The following EXT2 variants were observed in gnomAD, a reference collection of about 807,000 sequenced individuals.
EXT2 encodes the protein exostosin glycosyltransferase 2.
A neutral mutation model predicts 81.6 loss-of-function variants in EXT2; 53 were observed. The observed-to-expected ratio is 0.65, with a 90% confidence interval of 0.52 to 0.82. EXT2 has a LOEUF of 0.82. EXT2 is among the 40% of genes least tolerant of loss of function. The pLI is 0.00. For synonymous variants in EXT2, 320 were observed against 340.0 expected (o/e 0.94, Z 0.65); for missense variants, 774 against 910.2 (o/e 0.85, Z 1.93).
intron 2 of EXT2, 95 bp downstream of exon 2, chr11:44,108,343 G>C: frequency 2.2e-6 from 3 of 1,381,972 alleles, no homozygotes; most frequent in Non-Finnish European, 3.0e-6. Flanking sequence ...TTCTGCTCTT[G>C]AGTTGGTTTC....
chr11:44,119,141 T>TTC (rs1954270743), intron 4 of EXT2, among the ~76,000 whole-genome samples: 1 of 39,126 alleles, frequency 2.6e-5, no homozygotes, highest in African/African-American at 8.3e-5. Context: ...TATATATATA[T>TTC]ATATATATAT....
chr11:44,177,543 A>G (rs894071873), intron 8 of EXT2, among the ~76,000 whole-genome samples: 1 of 152,222 alleles, frequency 6.6e-6, no homozygotes, highest in Non-Finnish European at 1.5e-5. Context: ...TCAAACAGTG[A>G]ATTCATGTGT....
chr11:44,156,669 A>G lies in EXT2; in HGVS notation c.1174-14942A>G, dbSNP rs552390830. 7.9e-5 allele frequency among the ~76,000 whole-genome samples: 12 copies of G among 152,330 alleles called. No individual in the cohort carries two copies. The South Asian group carries it at 2.5e-3, about 32-fold the overall frequency. On this transcript the variant is annotated intron_variant, in intron 7 of 13. Transcript: ENST00000533608. ...AAGCTTCCTCAAAAGAGCTAATTTG[A>G]ATTCTCTGTCTGAAAGGTCACATGT...
chr11:44,245,801 A>C lies in EXT2; in HGVS notation c.*1514A>C, dbSNP rs571932578. Among the ~76,000 whole-genome samples the C allele has an allele frequency of 6.6e-6, 1 of 152,230 alleles. No individual in the cohort carries two copies. Among genetic ancestry groups the C allele is most frequent in the Non-Finnish European group, 1.5e-5 (1 of 68,034 alleles). Reference sequence around the variant, plus strand: ...AGTAGCAAAGTTGGAAGTGGAAATCATAAGAGTTTTGTCTTCTTTCATTTG... The same window carrying C: ...AGTAGCAAAGTTGGAAGTGGAAATCCTAAGAGTTTTGTCTTCTTTCATTTG... On this transcript the variant is annotated 3_prime_UTR_variant, in exon 14 of 14. Coordinates refer to ENST00000533608, the MANE Select transcript of EXT2 (RefSeq NM_207122.2).
intron 13 of EXT2, among the ~76,000 whole-genome samples, chr11:44,237,670 A>G (rs1042741859): frequency 6.6e-6 from 1 of 152,124 alleles, no homozygotes; most frequent in Non-Finnish European, 1.5e-5. Flanking sequence ...GAAAGGAAGT[A>G]TAGGAAGAAA....
chr11:44,198,881 T>A (rs1308734170), intron 9 of EXT2, among the ~76,000 whole-genome samples: 1 of 152,194 alleles, frequency 6.6e-6, no homozygotes, highest in Non-Finnish European at 1.5e-5. Flanking sequence ...ACCTTGAAAA[T>A]TGCCAGTAGT....
chr11:44,126,507 A>G lies in EXT2; in HGVS notation c.940-309A>G, dbSNP rs927283834. ...AGTACACTAGGGCCTAAAGAGACCC[A>G]TTTGCAGGAAGTCACGTTGTTAGCT... is the stretch of plus-strand genomic sequence containing the variant. On this transcript the variant is annotated intron_variant, in intron 5 of 13. Transcript: ENST00000533608. Among the ~76,000 whole-genome samples, 6 of 152,328 alleles carry G rather than the reference A, an allele frequency of 3.9e-5. No individual in the cohort carries two copies. The East Asian group carries it at 5.8e-4, about 15-fold the overall frequency.
At chr11:44,145,998 A>G (rs1565211389) in intron 7 of EXT2, among the ~76,000 whole-genome samples, 2 of 152,238 alleles carry the variant, frequency 1.3e-5, no homozygotes, top group African/African-American at 2.4e-5. Flanking sequence ...GGCTTAAACA[A>G]CAGAAATCTA....
rs752380148 is a variant in EXT2 at position 44,124,885 on chromosome 11, G to A, written c.840G>A (p.Val280=). Residue 280 remains valine, a synonymous_variant, in exon 5 of 14, where the codon GTG becomes GTA. Coordinates refer to ENST00000533608, the MANE Select transcript of EXT2 (RefSeq NM_207122.2). ...EALQVKHGES[V]LVLDKCTNLS... ...TCCAGGTCAAACATGGAGAGTCAGTGTTAGTACTCGATAAATGCACCAACC... is the reference window on the plus strand; with the variant it reads ...TCCAGGTCAAACATGGAGAGTCAGTATTAGTACTCGATAAATGCACCAACC... 6.2e-7 allele frequency: 1 copy of A among 1,614,118 alleles called. No individual in the cohort carries two copies. The highest frequency in any genetic ancestry group is 8.5e-7 in the Non-Finnish European group (1 of 1,180,018).
chr11:44,228,323 A>C (rs1955860533), intron 10 of EXT2, among the ~76,000 whole-genome samples: 1 of 152,184 alleles, frequency 6.6e-6, no homozygotes. Flanking sequence ...ACAATATATA[A>C]AGGCATTTGG....
In EXT2 at chr11:44,105,743, G is replaced by C. The variant is rs11037863; in HGVS notation, c.-30-1940G>C. ...GAATCATATAGGAGAGGCTTGTTTG[G>C]TAAGGATCTTAAAATGTGGTCTACA... On this transcript the variant is annotated intron_variant, in intron 1 of 13. Coordinates refer to ENST00000533608, the MANE Select transcript of EXT2 (RefSeq NM_207122.2). Among the ~76,000 whole-genome samples, 1,125 of 152,308 alleles carry C rather than the reference G, an allele frequency of 7.4e-3. 16 individuals are homozygous for C. Among genetic ancestry groups the C allele is most frequent in the African/African-American group, 0.026 (1,074 of 41,564 alleles).
In EXT2 at chr11:44,197,749, G is replaced by A; in HGVS notation, c.1306-80G>A. The A allele has an allele frequency of 4.1e-6, 6 of 1,459,266 alleles. No homozygotes were observed. The South Asian group carries it at 6.9e-5, about 17-fold the overall frequency. 90.4% of individuals were successfully genotyped at this position (1,459,266 alleles called of 1,614,324 possible). On this transcript the variant is annotated intron_variant, in intron 8 of 13. Transcript: ENST00000533608. Reference sequence around the variant, plus strand: ...TGGTAAAAGCCACCAAGCCTGCCATGTTTGGGTTTGCTGACGATATTGGGT... The same window carrying A: ...TGGTAAAAGCCACCAAGCCTGCCATATTTGGGTTTGCTGACGATATTGGGT...
intron 10 of EXT2, among the ~76,000 whole-genome samples, chr11:44,226,612 C>T (rs1032090260): frequency 3.3e-5 from 5 of 152,224 alleles, no homozygotes; most frequent in Admixed American, 2.0e-4. Flanking sequence ...GAGCTTTGTT[C>T]CCAGAGGGCT....
intron 10 of EXT2, among the ~76,000 whole-genome samples, chr11:44,211,131 G>A (rs1459683011): frequency 6.6e-6 from 1 of 152,186 alleles, no homozygotes; most frequent in Non-Finnish European, 1.5e-5. Flanking sequence ...ACAGAATAAA[G>A]AGTTTAGAAA....
intron 1 of EXT2, 83 bp from the exon 2 acceptor site, chr11:44,107,600 A>G: frequency 7.4e-7 from 1 of 1,357,628 alleles, no homozygotes. Context: ...AAACAAAACA[A>G]AAAAAAAGGT....
At chr11:44,243,939 C>T (rs1956067603) in intron 13 of EXT2, among the ~76,000 whole-genome samples, 1 of 152,150 alleles carries the variant, frequency 6.6e-6, no homozygotes, top group African/African-American at 2.4e-5. Context: ...AGTCCAAGTA[C>T]CCCCAGTTCA....
At chr11:44,120,029 A>G (rs1565201747) in intron 4 of EXT2, among the ~76,000 whole-genome samples, 1 of 152,244 alleles carries the variant, frequency 6.6e-6, no homozygotes, top group Admixed American at 6.5e-5. Context: ...CTTCAGGTTT[A>G]ATCCAGGGAA....
intron 8 of EXT2, among the ~76,000 whole-genome samples, chr11:44,185,735 C>G (rs1190587536): frequency 1.3e-5 from 2 of 152,146 alleles, no homozygotes; most frequent in African/African-American, 4.8e-5. Flanking sequence ...GTGTTTTGAG[C>G]TTGGATGCCA....
chr11:44,224,085 G>C (rs967802705), intron 10 of EXT2, among the ~76,000 whole-genome samples: 1 of 152,152 alleles, frequency 6.6e-6, no homozygotes, highest in African/African-American at 2.4e-5. Context: ...GGGAAACTGG[G>C]TAAAGCGTAT....
Sources: allele counts gnomAD v4.1 joint callset (sites outside exome capture counted in the v4.1 genomes callset), GRCh38; gene constraint gnomAD v4.1.1; transcripts MANE v1.5; gene names NCBI Gene and HGNC (gene_info 2026-07-23, HGNC 2026-07-21).